The following CSN3 variants were observed in gnomAD, a reference collection of about 807,000 sequenced individuals.
CSN3 encodes the protein kappa-casein.
In CSN3, 7 loss-of-function variants were observed where a neutral mutation model predicts 9.9. The observed-to-expected ratio is 0.71, with a 90% CI of 0.40 to 1.33. CSN3 has a LOEUF of 1.33. Among genes scored for constraint, CSN3 ranks in the 40% most tolerant of loss-of-function variants. The pLI is 0.01. For missense variants in CSN3, 253 were observed against 227.9 expected, an observed-to-expected ratio of 1.11 and a Z score of -0.71; for synonymous variants, 88 against 82.3, an observed-to-expected ratio of 1.07 and a Z score of -0.37.
chr4:70,249,541 T>C (rs1730446289), intron 4 of CSN3, 48 bp downstream of exon 4: 1 of 1,077,100 alleles, frequency 9.3e-7, no homozygotes, highest in East Asian at 2.5e-5. Context: ...GAAGCATGGA[T>C]TTATGAATAC....
chr4:70,249,307 A>C (rs2109699302), exon 4 of CSN3: 2 of 1,613,958 alleles, frequency 1.2e-6, no homozygotes, highest in Non-Finnish European at 1.7e-6. Context: ...AATCATCCCT[A>C]CCATCAATAC....
At chr4:70,251,264 C>T (rs1483553380) in exon 5 of CSN3, 1 of 152,122 alleles carries the variant, frequency 6.6e-6, no homozygotes, top group Non-Finnish European at 1.5e-5. Context: ...TTTTATAGGA[C>T]TTGCTGAAAC....
chr4:70,239,805 T>A (rs576058316), upstream of CSN3, among the ~76,000 whole-genome samples: 1 of 152,018 alleles, frequency 6.6e-6, no homozygotes, highest in African/African-American at 2.4e-5. Flanking sequence ...AATTTTGATA[T>A]TCCACTTTGC....
At chr4:70,248,068 T>G (rs565392292) in intron 3 of CSN3, among the ~76,000 whole-genome samples, 3 of 152,294 alleles carry the variant, frequency 2.0e-5, no homozygotes, top group Admixed American at 1.3e-4. Flanking sequence ...ACCCAAATCA[T>G]GTATCTTTGG....
chr4:70,241,448 C>G (rs1730267906), upstream of CSN3, among the ~76,000 whole-genome samples: 1 of 152,028 alleles, frequency 6.6e-6, no homozygotes, highest in Admixed American at 6.6e-5. Flanking sequence ...ATAGACATAA[C>G]TACAATGCTG....
chr4:70,247,912 C>A, intron 3 of CSN3, 62 bp downstream of exon 3: 3 of 1,274,730 alleles, frequency 2.4e-6, no homozygotes, highest in Non-Finnish European at 3.3e-6. Flanking sequence ...CTGCAAAGGT[C>A]AATTGTATTA....
At chr4:70,242,002 A>C (rs1044379916), upstream of CSN3, among the ~76,000 whole-genome samples, 2 of 152,000 alleles carry the variant, frequency 1.3e-5, no homozygotes, top group African/African-American at 2.4e-5. Context: ...TCTGGAAGGA[A>C]GAAGACCAAC....
At chr4:70,241,888 C>A (rs939444422), upstream of CSN3, among the ~76,000 whole-genome samples, 2 of 151,950 alleles carry the variant, frequency 1.3e-5, no homozygotes, top group Non-Finnish European at 2.9e-5. Flanking sequence ...CCACTATATA[C>A]TGATTAAAAT....
intron 4 of CSN3, among the ~76,000 whole-genome samples, chr4:70,250,931 G>T (rs1424445929): frequency 5.9e-5 from 9 of 152,002 alleles, no homozygotes; most frequent in African/African-American, 9.7e-5. Context: ...ACAAGAGCTG[G>T]TTAAACAGCT....
chr4:70,238,843 A>G (rs1425769208), upstream of CSN3, among the ~76,000 whole-genome samples: 1 of 151,850 alleles, frequency 6.6e-6, no homozygotes, highest in Admixed American at 6.6e-5. Context: ...CTGAGCCACT[A>G]GTAGTATCAT....
upstream of CSN3, among the ~76,000 whole-genome samples, chr4:70,241,241 G>A (rs769849679): frequency 1.7e-4 from 26 of 151,864 alleles, no homozygotes; most frequent in Admixed American, 3.9e-4. Flanking sequence ...AATGGCTGGT[G>A]TTATTACTTT....
intron 4 of CSN3, among the ~76,000 whole-genome samples, chr4:70,250,689 T>C (rs1394664572): frequency 2.0e-5 from 3 of 152,006 alleles, no homozygotes; most frequent in African/African-American, 7.3e-5. Flanking sequence ...TAAAAACCAG[T>C]AGGACTGAGG....
At position 70,244,445 on chromosome 4, in the gene CSN3, A is replaced by G. The variant is rs187703300; in HGVS notation, c.-8-367A>G. On this transcript the variant is annotated intron_variant, in intron 1 of 4. Transcript: ENST00000304954. ...CTGAAACTTTTATTAATAGAAAACC[A>G]CTTTTGTGGCATTTTCTACTTTTTT... Among the ~76,000 whole-genome samples, 20 of 152,076 alleles carry G rather than the reference A, an allele frequency of 1.3e-4. No individual in the cohort carries two copies. The East Asian group carries it at 3.9e-3, about 29-fold the overall frequency.
chr4:70,238,822 C>G (rs1012416277), upstream of CSN3, among the ~76,000 whole-genome samples: 2 of 151,708 alleles, frequency 1.3e-5, no homozygotes, highest in African/African-American at 4.8e-5. Flanking sequence ...ATAGGAGTCA[C>G]CAGATGGCCC....
intron 3 of CSN3, among the ~76,000 whole-genome samples, chr4:70,248,405 T>G (rs918580151): frequency 6.6e-6 from 1 of 152,154 alleles, no homozygotes; most frequent in African/African-American, 2.4e-5. Flanking sequence ...CAATTCTTTA[T>G]CTAATCTTTT....
intron 1 of CSN3, chr4:70,243,317 TA>T (rs964156367): frequency 2.1e-4 from 42 of 204,214 alleles, no homozygotes; most frequent in Middle Eastern, 2.6e-3. Context: ...TGATTCATCA[TA>T]AAAACATTTT....
chr4:70,248,692 TA>T (rs1379569428), intron 3 of CSN3, among the ~76,000 whole-genome samples: 1 of 152,082 alleles, frequency 6.6e-6, no homozygotes, highest in African/African-American at 2.4e-5. Flanking sequence ...AGCTAACATA[TA>T]AGATCACTTT....
At chr4:70,244,936 A>T in intron 2 of CSN3, 63 bp downstream of exon 2, 1 of 859,686 alleles carries the variant, frequency 1.2e-6, no homozygotes, top group Non-Finnish European at 1.8e-6. Context: ...AAGGGCTTTA[A>T]CTATGCAAAC....
exon 4 of CSN3, chr4:70,249,215 G>C: frequency 6.2e-7 from 1 of 1,613,948 alleles, no homozygotes; most frequent in East Asian, 2.2e-5. Flanking sequence ...CTGCCAAATA[G>C]CCACCCACCC....
Sources: gnomAD v4.1 joint callset for allele counts (sites outside exome capture counted in the v4.1 genomes callset) on GRCh38, gnomAD v4.1.1 for gene constraint, MANE v1.5 for transcripts, NCBI Gene and HGNC (gene_info 2026-07-23, HGNC 2026-07-21) for gene names.